Variants in SCARB2 observed in about 807,000 individuals in gnomAD.
SCARB2 encodes the protein scavenger receptor class B member 2.
SCARB2 carries 29 observed loss-of-function variants against 58.6 expected under a neutral mutation model. The ratio of observed to expected loss-of-function variants is 0.49; its 90% confidence interval spans 0.37 to 0.67. The LOEUF (loss-of-function observed/expected upper bound fraction) is 0.67. Ranked by LOEUF, SCARB2 falls within the 30% of genes least tolerant of loss-of-function variation. The pLI is 0.00. For missense variants in SCARB2, 488 were observed against 578.5 expected (o/e 0.84, Z 1.60); for synonymous variants, 195 against 210.1 (o/e 0.93, Z 0.62).
chr4:76,174,700 G>A (rs1456465977), intron 6 of SCARB2: 2 of 264,656 alleles, frequency 7.6e-6, no homozygotes, highest in South Asian at 8.5e-5. Context: ...CCAAAGCTAA[G>A]GTAGAACAGG....
At chr4:76,182,830 C>T (rs1299421580) in intron 2 of SCARB2, among the ~76,000 whole-genome samples, 1 of 152,156 alleles carries the variant, frequency 6.6e-6, no homozygotes, top group East Asian at 1.9e-4. Flanking sequence ...TTGAAAACAT[C>T]GTAAGTTGAA....
intron 1 of SCARB2, among the ~76,000 whole-genome samples, chr4:76,200,563 G>A (rs1220862281): frequency 1.3e-5 from 2 of 152,228 alleles, no homozygotes; most frequent in Non-Finnish European, 2.9e-5. Flanking sequence ...ACAGGCATAG[G>A]CCCTGTCTGT....
intron 1 of SCARB2, among the ~76,000 whole-genome samples, chr4:76,203,913 T>A (rs1732878470): frequency 6.6e-6 from 1 of 152,244 alleles, no homozygotes; most frequent in Non-Finnish European, 1.5e-5. Flanking sequence ...GAATCAGTAA[T>A]ACCTTTAAGG....
chr4:76,172,684 T>A (rs1367036228), intron 7 of SCARB2: 2 of 151,840 alleles, frequency 1.3e-5, no homozygotes, highest in Non-Finnish European at 2.9e-5. Flanking sequence ...TTATTCTTTT[T>A]TTTTTTTTCT....
chr4:76,161,729 G>T lies in SCARB2; in HGVS notation c.1421C>A (p.Pro474His). 6 of 1,614,074 alleles carry T rather than the reference G, an allele frequency of 3.7e-6. No homozygotes were observed. The highest frequency in any genetic ancestry group is 5.1e-6 in the Non-Finnish European group (6 of 1,180,024). The change falls in exon 12 of 12, where the codon CCC becomes CAC. Residue 474 changes from proline (P) to histidine (H), a missense_variant. Transcript: ENST00000264896. ...MDEGTADERA[P>H]LIRT ...AGGCAATGTTTAGGTTCGAATGAGG[G>T]GTGCTCTTTCATCCGCTGTTCCCTG...
upstream of SCARB2, chr4:76,214,341 A>G: frequency 2.2e-6 from 1 of 454,440 alleles, no homozygotes; most frequent in Non-Finnish European, 4.4e-6. Flanking sequence ...TGGGGGATGC[A>G]TAAGTTTGTC....
At chr4:76,197,378 C>T (rs1732735564) in intron 1 of SCARB2, among the ~76,000 whole-genome samples, 1 of 152,194 alleles carries the variant, frequency 6.6e-6, no homozygotes, top group Admixed American at 6.5e-5. Context: ...TTGAAGTTGC[C>T]ACCCTTGGAA....
intron 1 of SCARB2, among the ~76,000 whole-genome samples, chr4:76,199,360 A>G (rs1277168976): frequency 6.6e-6 from 1 of 152,234 alleles, no homozygotes; most frequent in Admixed American, 6.5e-5. Context: ...TAATTTTATA[A>G]TATAATTATG....
chr4:76,202,345 T>C (rs985731716), intron 1 of SCARB2, among the ~76,000 whole-genome samples: 3 of 152,142 alleles, frequency 2.0e-5, no homozygotes, highest in Non-Finnish European at 2.9e-5. Context: ...CACCACAACC[T>C]CCGCCTCCCG....
intron 11 of SCARB2, chr4:76,162,481 C>T (rs1036961299): frequency 9.1e-5 from 14 of 153,176 alleles, no homozygotes; most frequent in African/African-American, 3.1e-4. Context: ...TGCAGGTATT[C>T]AGGTTCCTGG....
At chr4:76,196,752 C>T (rs189113949) in intron 1 of SCARB2, among the ~76,000 whole-genome samples, 1 of 152,326 alleles carries the variant, frequency 6.6e-6, no homozygotes, top group Non-Finnish European at 1.5e-5. Flanking sequence ...GAGGCCTAGC[C>T]TCACTGAGGT....
chr4:76,226,567 C>T (rs1733402691), intron 1 of SCARB2, among the ~76,000 whole-genome samples: 1 of 152,110 alleles, frequency 6.6e-6, no homozygotes, highest in Non-Finnish European at 1.5e-5. Flanking sequence ...CACTCTTTGG[C>T]ACAGAGCTTG....
At position 76,161,210 on chromosome 4, in the gene SCARB2, A is replaced by G. The variant is rs1212115018; in HGVS notation, c.*503T>C. The G allele has an allele frequency of 6.2e-6, 1 of 162,234 alleles. No individual in the cohort carries two copies. Among genetic ancestry groups the G allele is most frequent in the Admixed American group, 5.8e-5 (1 of 17,324 alleles). The allele number at this position is 162,234 out of a possible 1,614,324, so 10.0% of individuals were successfully genotyped here. A position where few individuals can be genotyped will look rare whatever the true frequency, so the allele number is the denominator to read the frequency against. On this transcript the variant is annotated 3_prime_UTR_variant, in exon 12 of 12. Transcript: ENST00000264896. ...TGTTTTAGAAATCAGATGCATTTGAATGATATATTGGATGAAGCTACCATT... is the reference window on the plus strand; with the variant it reads ...TGTTTTAGAAATCAGATGCATTTGAGTGATATATTGGATGAAGCTACCATT...
intron 1 of SCARB2, among the ~76,000 whole-genome samples, chr4:76,200,364 A>G (rs922265765): frequency 1.1e-4 from 16 of 152,242 alleles, no homozygotes; most frequent in Non-Finnish European, 2.2e-4. Flanking sequence ...GACGAACATA[A>G]TGAATTTTTC....
chr4:76,185,776 C>G (rs1013525257), intron 2 of SCARB2, among the ~76,000 whole-genome samples: 1 of 152,154 alleles, frequency 6.6e-6, no homozygotes, highest in African/African-American at 2.4e-5. Context: ...TTGAGAATTA[C>G]TATTAAGAAG....
At chr4:76,208,145 T>C (rs1732965955) in intron 1 of SCARB2, among the ~76,000 whole-genome samples, 1 of 152,228 alleles carries the variant, frequency 6.6e-6, no homozygotes, top group African/African-American at 2.4e-5. Flanking sequence ...GGATGGGGTC[T>C]GGTATTTTCT....
intron 1 of SCARB2, among the ~76,000 whole-genome samples, chr4:76,227,448 T>C (rs113367757): frequency 0.06 from 9,213 of 152,300 alleles, 297 homozygotes; most frequent in Middle Eastern, 0.095. Context: ...AGACCTGTTT[T>C]GTGGCCTATC....
chr4:76,190,300 G>A (rs963024386), intron 2 of SCARB2, among the ~76,000 whole-genome samples: 5 of 152,010 alleles, frequency 3.3e-5, no homozygotes, highest in African/African-American at 7.2e-5. Flanking sequence ...GTGAGCCACC[G>A]TGCCCAGTCT....
chr4:76,208,205 C>A (rs919440332), intron 1 of SCARB2, among the ~76,000 whole-genome samples: 13 of 152,160 alleles, frequency 8.5e-5, no homozygotes, highest in Non-Finnish European at 5.9e-5. Context: ...AGGGGCTATG[C>A]TGACAACTGT....
Sources: allele counts gnomAD v4.1 joint callset (sites outside exome capture counted in the v4.1 genomes callset), GRCh38; gene constraint gnomAD v4.1.1; transcripts MANE v1.5; gene names NCBI Gene and HGNC (gene_info 2026-07-23, HGNC 2026-07-21).